Variants in FGD3 observed in about 807,000 individuals in gnomAD.
The protein encoded by FGD3 is FYVE, RhoGEF and PH domain containing 3.
A neutral mutation model predicts 71.8 loss-of-function variants in FGD3; 45 were observed. The observed-to-expected ratio is 0.63, with a 90% confidence interval of 0.49 to 0.80. FGD3 has a LOEUF of 0.80. Among genes scored for constraint, FGD3 ranks in the 30% least tolerant of loss-of-function variants. The pLI, the probability that FGD3 is intolerant of heterozygous loss-of-function variation, is 0.00. For synonymous variants in FGD3, 378 were observed against 392.8 expected (o/e 0.96, Z 0.44); for missense variants, 844 against 951.5 (o/e 0.89, Z 1.49).
Position 93,035,622 on chromosome 9 carries a change from A to G in FGD3, c.*33A>G. ...CTCCCACTGCCCTGCACACCACCAC[A>G]TTGGACCTGTGCTGTCCTGGGAGGT... is the stretch of plus-strand genomic sequence containing the variant. On this transcript the variant is annotated 3_prime_UTR_variant, in exon 18 of 18. Transcript: ENST00000375482. The G allele has an allele frequency of 6.4e-7, 1 of 1,557,538 alleles. No individual in the cohort carries two copies. The highest frequency in any genetic ancestry group is 8.7e-7 in the Non-Finnish European group (1 of 1,154,584).
intron 3 of FGD3, among the ~76,000 whole-genome samples, chr9:93,001,417 A>T (rs1327948143): frequency 6.6e-6 from 1 of 152,142 alleles, no homozygotes; most frequent in Admixed American, 6.5e-5. Context: ...GCTAAGTCTG[A>T]TTAAAAGAGC....
chr9:93,013,800 TCACCA>T, intron 8 of FGD3, 47 bp from the exon 9 acceptor site: 2 of 1,607,870 alleles, frequency 1.2e-6, no homozygotes, highest in South Asian at 2.2e-5. Context: ...CATCTCTAGG[TCACCA>T]GCCACTCTCA....
intron 1 of FGD3, among the ~76,000 whole-genome samples, chr9:92,954,636 T>C (rs889722209): frequency 1.3e-5 from 2 of 152,196 alleles, no homozygotes; most frequent in African/African-American, 4.8e-5. Flanking sequence ...AGGATTCTTG[T>C]GTCCTAGGAG....
At chr9:93,012,564 T>C (rs10761190) in intron 8 of FGD3, among the ~76,000 whole-genome samples, 79,745 of 151,794 alleles carry the variant, frequency 0.53, 22,018 homozygotes, top group African/African-American at 0.7. Context: ...GTGGGCGAAT[T>C]ACTTGAGGTC....
rs1861869973 is a variant in FGD3 at position 93,020,384 on chromosome 9, T to G, written c.1454T>G (p.Phe485Cys). 6.2e-7 allele frequency: 1 copy of G among 1,613,272 alleles called. No individual in the cohort carries two copies. The highest frequency in any genetic ancestry group is 8.5e-7 in the Non-Finnish European group (1 of 1,179,928). The stretch of plus-strand genomic sequence containing the variant: ...ACCTTCAAGGCTTTTGGTGGCGCCT[T>G]CAGCCAGGATGAGGACCCCAGCCTC... ...SETFKAFGGA[F>C]SQDEDPSLSP... Residue 485 changes from phenylalanine to cysteine, a missense_variant, in exon 13 of 18, where the codon TTC becomes TGC. Coordinates refer to ENST00000375482, the MANE Select transcript of FGD3 (RefSeq NM_001083536.2).
At chr9:92,981,871 G>C (rs1354789097) in intron 3 of FGD3, among the ~76,000 whole-genome samples, 1 of 151,836 alleles carries the variant, frequency 6.6e-6, no homozygotes, top group Non-Finnish European at 1.5e-5. Context: ...ACAGATACTA[G>C]CTGTACATAT....
chr9:93,013,708 A>G, intron 8 of FGD3, 144 bp from the exon 9 acceptor site: 1 of 952,464 alleles, frequency 1.0e-6, no homozygotes, highest in Non-Finnish European at 1.6e-6. Context: ...CTCAAACATC[A>G]CTCTGTTTTC....
intron 1 of FGD3, among the ~76,000 whole-genome samples, chr9:92,957,061 T>C (rs78719095): frequency 0.049 from 7,417 of 152,274 alleles, 333 homozygotes; most frequent in East Asian, 0.24. Context: ...GTTCCATCCA[T>C]ATTATGGCTG....
chr9:92,959,608 G>A (rs1398194040), intron 1 of FGD3, among the ~76,000 whole-genome samples: 1 of 150,362 alleles, frequency 6.7e-6, no homozygotes, highest in Non-Finnish European at 1.5e-5. Flanking sequence ...TCAGGAGGCT[G>A]AGATGGGAGG....
chr9:93,027,451 C>CTT (rs1346390126), intron 14 of FGD3, among the ~76,000 whole-genome samples: 1 of 152,166 alleles, frequency 6.6e-6, no homozygotes, highest in Non-Finnish European at 1.5e-5. Flanking sequence ...CTCTGTGTCT[C>CTT]TGTGTCCTCA....
intron 16 of FGD3, chr9:93,033,529 C>G (rs1270243712): frequency 6.3e-6 from 1 of 159,596 alleles, no homozygotes; most frequent in Non-Finnish European, 1.4e-5. Context: ...TTCTCTTCCT[C>G]TTTTCCTCCT....
chr9:92,966,976 G>A (rs34405247), intron 1 of FGD3, among the ~76,000 whole-genome samples: 25,475 of 146,922 alleles, frequency 0.17, 2,417 homozygotes, highest in Admixed American at 0.26. Context: ...TTTTTTTTTG[G>A]GGGGGGATGG....
intron 3 of FGD3, among the ~76,000 whole-genome samples, chr9:92,991,987 C>T (rs1860430366): frequency 6.6e-6 from 1 of 152,098 alleles, no homozygotes; most frequent in African/African-American, 2.4e-5. Context: ...TTTTGGGTTT[C>T]TGTTTACATG....
chr9:92,959,659 A>T lies in FGD3; in HGVS notation c.-218+11930A>T, dbSNP rs532659689. ...GAGGTCGAGGCTACAGTGAGTCATGATCGGTCCAGTGCATTTCAGCCTGGG... is the reference window on the plus strand; with the variant it reads ...GAGGTCGAGGCTACAGTGAGTCATGTTCGGTCCAGTGCATTTCAGCCTGGG... On this transcript the variant is annotated intron_variant, in intron 1 of 17. Transcript: ENST00000375482. Among the ~76,000 whole-genome samples, 194 of 144,054 alleles carry T rather than the reference A, an allele frequency of 1.3e-3. 1 individual carries two copies. The highest frequency in any genetic ancestry group is 4.8e-3 in the African/African-American group (184 of 38,242). 94.5% of individuals were successfully genotyped at this position (144,054 alleles called of 152,430 possible).
At chr9:93,023,743 C>T (rs1311910999) in intron 14 of FGD3, among the ~76,000 whole-genome samples, 1 of 151,794 alleles carries the variant, frequency 6.6e-6, no homozygotes, top group African/African-American at 2.4e-5. Context: ...GTAGCCTGCC[C>T]CGGGGGACCC....
chr9:92,962,814 A>G (rs1454357004), intron 1 of FGD3, among the ~76,000 whole-genome samples: 1 of 151,796 alleles, frequency 6.6e-6, no homozygotes, highest in Non-Finnish European at 1.5e-5. Flanking sequence ...TGTGGTGGGC[A>G]CCTATAATCC....
Position 93,018,050 on chromosome 9 carries a change from G to A in FGD3, c.1276-86G>A, listed in dbSNP as rs1181818124. On this transcript the variant is annotated intron_variant, in intron 10 of 17. Transcript: ENST00000375482. ...AGGCTCACCTCTGTTACCTCCTTGG[G>A]GAAACACTTCTAAGTCAGAAAACAT... 8 of 1,323,174 alleles carry A rather than the reference G, an allele frequency of 6.0e-6. No individual in the cohort carries two copies. In the East Asian group the frequency reaches 1.8e-4, roughly 30 times the overall value. 82.0% of individuals were successfully genotyped at this position (1,323,174 alleles called of 1,614,324 possible).
At chr9:92,979,297 T>C (rs1416515566) in intron 3 of FGD3, among the ~76,000 whole-genome samples, 6 of 152,212 alleles carry the variant, frequency 3.9e-5, no homozygotes, top group Non-Finnish European at 7.3e-5. Context: ...TCCTAGTTTG[T>C]TGAGTGTTTT....
chr9:92,966,114 C>T (rs1403582921), intron 1 of FGD3, among the ~76,000 whole-genome samples: 1 of 152,236 alleles, frequency 6.6e-6, no homozygotes, highest in African/African-American at 2.4e-5. Context: ...CCTTACATTT[C>T]TCCCCGTGTC....
Sources: gnomAD v4.1 joint callset for allele counts (sites outside exome capture counted in the v4.1 genomes callset) on GRCh38, gnomAD v4.1.1 for gene constraint, MANE v1.5 for transcripts, NCBI Gene and HGNC (gene_info 2026-07-23, HGNC 2026-07-21) for gene names.